Variants in EMC9 observed in about 807,000 individuals in gnomAD.
EMC9 encodes the protein ER membrane protein complex subunit 9, also known as UPF0172 protein FAM158A.
In EMC9, 20 loss-of-function variants were observed where a neutral mutation model predicts 25.0. That is an observed-to-expected ratio of 0.80 (90% CI 0.56 to 1.16). The LOEUF (loss-of-function observed/expected upper bound fraction) is 1.16, where lower values mean the gene tolerates loss of function less well. Among genes scored for constraint, EMC9 ranks in the 50% most tolerant of loss-of-function variants. EMC9 has a pLI of 0.00. For synonymous variants in EMC9, 100 were observed against 107.0 expected (o/e 0.93, Z 0.40); for missense variants, 256 against 268.7 (o/e 0.95, Z 0.33).
At chr14:24,140,812 A>AC in intron 3 of EMC9, 77 bp downstream of exon 3, 4 of 1,053,114 alleles carry the variant, frequency 3.8e-6, no homozygotes, top group Non-Finnish European at 5.4e-6. Context: ...CCACCGCCCC[A>AC]CGCATCCTCG....
chr14:24,139,798 G>A lies in EMC9; in HGVS notation c.276-184C>T. On this transcript the variant is annotated intron_variant, in intron 3 of 5. Coordinates refer to ENST00000216799, the MANE Select transcript of EMC9 (RefSeq NM_016049.4). This position sits in a 1 kb window ranked among gnomAD's most constrained non-coding sequence, Gnocchi z 4.6. ...TGCTTGATGCTTGAGTGCTGTGGGA[G>A]ACAGGTGCTCAGATATTGCTGGTGA... The A allele has an allele frequency of 6.6e-7, 1 of 1,523,604 alleles. No homozygotes were observed. The highest frequency in any genetic ancestry group is 8.9e-7 in the Non-Finnish European group (1 of 1,126,450). The allele number at this position is 1,523,604 out of a possible 1,614,324, so 94.4% of individuals were successfully genotyped here.
At chr14:24,141,353 T>C (rs756578964) in intron 1 of EMC9, 37 bp from the exon 2 acceptor site, 1 of 1,594,274 alleles carries the variant, frequency 6.3e-7, no homozygotes, top group Non-Finnish European at 8.6e-7. Context: ...AGTACCGGAT[T>C]AGGCGAGCCG....
chr14:24,141,221 C>A lies in EMC9; in HGVS notation c.84G>T (p.Gly28=). The part of the protein sequence containing the change: ...AARYPHAAVN[G]LFLAPAPRSG... ...ACCGCGGCGCTGGCGCCAAAAACAG[C>A]CCGTTGACTGCGGCGTGTGGGTACC... Residue 28 remains glycine, a synonymous_variant, in exon 2 of 6, where the codon GGG becomes GGT. Coordinates refer to ENST00000216799, the MANE Select transcript of EMC9 (RefSeq NM_016049.4). 1 of 1,614,220 alleles carries A rather than the reference C, an allele frequency of 6.2e-7. No homozygotes were observed. The highest frequency in any genetic ancestry group is 8.5e-7 in the Non-Finnish European group (1 of 1,180,044).
At position 24,139,029 on chromosome 14, in the gene EMC9, T is replaced by C. The variant is rs756612604; in HGVS notation, c.608A>G (p.Asn203Ser). The part of the protein sequence containing the change: ...TQITQWVGPT[N>S]GNGNA ...CCTGGCTCAGGCATTTCCATTTCCATTAGTGGGACCAACCCACTGGGTGAT... is the reference window on the plus strand; with the variant it reads ...CCTGGCTCAGGCATTTCCATTTCCACTAGTGGGACCAACCCACTGGGTGAT... The change falls in exon 6 of 6, where the codon AAT (asparagine) becomes AGT (serine). Residue 203 changes from asparagine to serine, a missense_variant. By Grantham distance (46) the Asn-to-Ser change is conservative (BLOSUM62 1). Coordinates refer to ENST00000216799, the MANE Select transcript of EMC9 (RefSeq NM_016049.4). The surrounding 1 kb of genome is among the most constrained non-coding windows in gnomAD (Gnocchi z 4.6). The C allele has an allele frequency of 1.9e-6, 3 of 1,613,528 alleles. No homozygotes were observed. Among genetic ancestry groups the C allele is most frequent in the Non-Finnish European group, 2.5e-6 (3 of 1,180,028 alleles).
chr14:24,139,282 C>T lies in EMC9; in HGVS notation c.440+78G>A, dbSNP rs1370948248. ...CAGAGATTGGGTCTAGAGAAAGACC[C>T]TTGGGGCAGGGCCAAGGACAGAGGA... is the stretch of plus-strand genomic sequence containing the variant. On this transcript the variant is annotated intron_variant, in intron 5 of 5. Transcript: ENST00000216799. The surrounding 1 kb of genome is among the most constrained non-coding windows in gnomAD (Gnocchi z 4.6). The T allele has an allele frequency of 6.2e-7, 1 of 1,602,480 alleles. No homozygotes were observed. Among genetic ancestry groups the T allele is most frequent in the South Asian group, 1.1e-5 (1 of 90,086 alleles).
chr14:24,139,279 A>AC lies in EMC9; in HGVS notation c.440+80dup, dbSNP rs1594359939. The AC allele has an allele frequency of 6.2e-7, 1 of 1,600,060 alleles. No homozygotes were observed. The highest frequency in any genetic ancestry group is 8.5e-7 in the Non-Finnish European group (1 of 1,170,412). On this transcript the variant is annotated intron_variant, in intron 5 of 5. Coordinates refer to ENST00000216799, the MANE Select transcript of EMC9 (RefSeq NM_016049.4). The surrounding 1 kb of genome is among the most constrained non-coding windows in gnomAD (Gnocchi z 4.6). The stretch of plus-strand genomic sequence containing the variant: ...TAACAGAGATTGGGTCTAGAGAAAG[A>AC]CCCTTGGGGCAGGGCCAAGGACAGA...
Position 24,139,897 on chromosome 14 carries a change from A to G in EMC9, c.276-283T>C. 1 of 660,906 alleles carries G rather than the reference A, an allele frequency of 1.5e-6. No homozygotes were observed. The highest frequency in any genetic ancestry group is 2.6e-6 in the Non-Finnish European group (1 of 388,480). The allele number at this position is 660,906 out of a possible 1,614,324, so 40.9% of individuals were successfully genotyped here. ...TCCAAATTGAAACTGTATACATACT[A>G]TACATATGCTGACCCAGAAATTCTA... On this transcript the variant is annotated intron_variant, in intron 3 of 5. Transcript: ENST00000216799. The surrounding 1 kb of genome is among the most constrained non-coding windows in gnomAD (Gnocchi z 4.6).
Position 24,139,892 on chromosome 14 carries a change from A to G in EMC9, c.276-278T>C. 2 of 681,060 alleles carry G rather than the reference A, an allele frequency of 2.9e-6. No individual in the cohort carries two copies. Among genetic ancestry groups the G allele is most frequent in the African/African-American group, 1.8e-5 (1 of 56,060 alleles). The allele number at this position is 681,060 out of a possible 1,614,324, so 42.2% of individuals were successfully genotyped here. ...AACCATCCAAATTGAAACTGTATAC[A>G]TACTATACATATGCTGACCCAGAAA... On this transcript the variant is annotated intron_variant, in intron 3 of 5. Coordinates refer to ENST00000216799, the MANE Select transcript of EMC9 (RefSeq NM_016049.4). This position sits in a 1 kb window ranked among gnomAD's most constrained non-coding sequence, Gnocchi z 4.6.
Position 24,141,294 on chromosome 14 carries a change from AC to A in EMC9, c.10del (p.Val4TrpfsTer9). 6.2e-7 allele frequency: 1 copy of A among 1,613,586 alleles called. No homozygotes were observed. Among genetic ancestry groups the A allele is most frequent in the Non-Finnish European group, 8.5e-7 (1 of 1,179,890 alleles). On this transcript the variant is annotated frameshift_variant, in exon 2 of 6. Coordinates refer to ENST00000216799, the MANE Select transcript of EMC9 (RefSeq NM_016049.4). LOFTEE classifies it high-confidence loss of function. MGE[V>X]EISALAYVKM... ...CACGTAGGCCAGGGCCGAGATCTCCACCTCCCCCATGGCGAGCGAGGCCTGG... is the reference window on the plus strand; with the variant it reads ...CACGTAGGCCAGGGCCGAGATCTCCACTCCCCCATGGCGAGCGAGGCCTGG...
chr14:24,139,268 T>C lies in EMC9; in HGVS notation c.441-72A>G. On this transcript the variant is annotated intron_variant, in intron 5 of 5. Transcript: ENST00000216799. The surrounding 1 kb of genome is among the most constrained non-coding windows in gnomAD (Gnocchi z 4.6). ...AGACACAGACTTAACAGAGATTGGG[T>C]CTAGAGAAAGACCCTTGGGGCAGGG... The C allele has an allele frequency of 1.2e-6, 2 of 1,602,720 alleles. No individual in the cohort carries two copies. Among genetic ancestry groups the C allele is most frequent in the Admixed American group, 1.7e-5 (1 of 59,274 alleles).
rs1328655904 is a variant in EMC9 at position 24,138,971 on chromosome 14, CA to C, written c.*38del. 1 of 1,609,838 alleles carries C rather than the reference CA, an allele frequency of 6.2e-7. No individual in the cohort carries two copies. The highest frequency in any genetic ancestry group is 1.7e-5 in the Admixed American group (1 of 59,862). On this transcript the variant is annotated 3_prime_UTR_variant, in exon 6 of 6. Coordinates refer to ENST00000216799, the MANE Select transcript of EMC9 (RefSeq NM_016049.4). ...ATAGTTATACCACTGCCCATCAGCC[CA>C]AGTCTCTTTATTGGAACCGGGCCCC...
intron 3 of EMC9, 100 bp downstream of exon 3, chr14:24,140,789 G>GCCCCCGCCCCCCCCCCCCCCCC: frequency 7.7e-7 from 1 of 1,301,236 alleles, no homozygotes; most frequent in Non-Finnish European, 1.1e-6. Context: ...CATCTTGTGC[G>GCCCCCGCCCCCCCCCCCCCCCC]CCCCCGCCCC....
rs1202119704 is a variant in EMC9 at position 24,139,328 on chromosome 14, C to G, written c.440+32G>C. ...GAGGAGACCCAGGAGCCTTGGGCTTCTAAGAAGAGGTAGAGGGAGTGGGGT... is the reference window on the plus strand; with the variant it reads ...GAGGAGACCCAGGAGCCTTGGGCTTGTAAGAAGAGGTAGAGGGAGTGGGGT... On this transcript the variant is annotated intron_variant, in intron 5 of 5. Transcript: ENST00000216799. This position sits in a 1 kb window ranked among gnomAD's most constrained non-coding sequence, Gnocchi z 4.6. 5.6e-6 allele frequency: 9 copies of G among 1,610,408 alleles called. No homozygotes were observed. The Admixed American group carries it at 1.5e-4, about 27-fold the overall frequency.
At position 24,141,330 on chromosome 14, in the gene EMC9, A is replaced by C. The variant is rs1430368027; in HGVS notation, c.-12-14T>G. On this transcript the variant is annotated splice_polypyrimidine_tract_variant and intron_variant, in intron 1 of 5. Coordinates refer to ENST00000216799, the MANE Select transcript of EMC9 (RefSeq NM_016049.4). ...GGCGAGCGAGGCCTGGACGGGAAGC[A>C]GCAAGCCGGATTAGTACCGGATTAG... 7 of 1,612,782 alleles carry C rather than the reference A, an allele frequency of 4.3e-6. No homozygotes were observed. The highest frequency in any genetic ancestry group is 1.3e-5 in the African/African-American group (1 of 74,950).
Position 24,138,970 on chromosome 14 carries a change from C to G in EMC9, c.*40G>C, listed in dbSNP as rs1466756205. On this transcript the variant is annotated 3_prime_UTR_variant, in exon 6 of 6. Coordinates refer to ENST00000216799, the MANE Select transcript of EMC9 (RefSeq NM_016049.4). The stretch of plus-strand genomic sequence containing the variant: ...TATAGTTATACCACTGCCCATCAGC[C>G]CAAGTCTCTTTATTGGAACCGGGCC... 1.2e-6 allele frequency: 2 copies of G among 1,609,726 alleles called. No homozygotes were observed. The highest frequency in any genetic ancestry group is 1.3e-5 in the African/African-American group (1 of 74,760).
chr14:24,139,272 G>C lies in EMC9; in HGVS notation c.441-76C>G. 1.9e-6 allele frequency: 3 copies of C among 1,598,320 alleles called. No homozygotes were observed. Among genetic ancestry groups the C allele is most frequent in the Non-Finnish European group, 2.6e-6 (3 of 1,168,370 alleles). ...ACAGACTTAACAGAGATTGGGTCTA[G>C]AGAAAGACCCTTGGGGCAGGGCCAA... On this transcript the variant is annotated intron_variant, in intron 5 of 5. Transcript: ENST00000216799. The surrounding 1 kb of genome is among the most constrained non-coding windows in gnomAD (Gnocchi z 4.6).
Position 24,141,556 on chromosome 14 carries a change from C to T in EMC9, c.-131G>A, listed in dbSNP as rs1332246589. On this transcript the variant is annotated 5_prime_UTR_variant, in exon 1 of 6. Coordinates refer to ENST00000216799, the MANE Select transcript of EMC9 (RefSeq NM_016049.4). The stretch of plus-strand genomic sequence containing the variant: ...GGAGGTCCCGATTGCATCCGAGCCC[C>T]GCCTTCCCGCGCCCCTAGCTGGCGG... 1.4e-5 allele frequency: 8 copies of T among 589,260 alleles called. No homozygotes were observed. The East Asian group carries it at 2.3e-4, about 17-fold the overall frequency. 36.5% of individuals were successfully genotyped at this position (589,260 alleles called of 1,614,324 possible).
At chr14:24,141,040 C>A in intron 2 of EMC9, 67 bp downstream of exon 2, 2 of 1,613,050 alleles carry the variant, frequency 1.2e-6, no homozygotes, top group East Asian at 2.2e-5. Context: ...GCCAAGGGAC[C>A]GGGGATGAAC....
At position 24,139,301 on chromosome 14, in the gene EMC9, CAG is replaced by C; in HGVS notation, c.440+57_440+58del. 6.2e-7 allele frequency: 1 copy of C among 1,602,762 alleles called. No individual in the cohort carries two copies. Among genetic ancestry groups the C allele is most frequent in the Non-Finnish European group, 8.5e-7 (1 of 1,172,136 alleles). ...AAGACCCTTGGGGCAGGGCCAAGGA[CAG>C]AGGAGACCCAGGAGCCTTGGGCTTC... On this transcript the variant is annotated intron_variant, in intron 5 of 5. Coordinates refer to ENST00000216799, the MANE Select transcript of EMC9 (RefSeq NM_016049.4). This position sits in a 1 kb window ranked among gnomAD's most constrained non-coding sequence, Gnocchi z 4.6.
Sources: gnomAD v4.1 joint callset for allele counts on GRCh38, gnomAD v4.1.1 for gene constraint, Gnocchi (gnomAD v3.1) non-coding constraint, MANE v1.5 for transcripts, NCBI Gene and HGNC (gene_info 2026-07-23, HGNC 2026-07-21) for gene names.